The following KRT5 variants were observed in gnomAD, a reference collection of about 807,000 sequenced individuals.
The protein encoded by KRT5 is keratin 5, also known as keratin, type II cytoskeletal 5.
In KRT5, 17 loss-of-function variants were observed where a neutral mutation model predicts 44.0. The observed-to-expected ratio is 0.39, with a 90% CI of 0.26 to 0.58. The LOEUF is 0.58. KRT5 is among the 20% of genes least tolerant of loss of function. The pLI, the probability that KRT5 is intolerant of heterozygous loss-of-function variation, is 0.61. For synonymous variants in KRT5, 329 were observed against 312.8 expected (o/e 1.05, Z -0.55); for missense variants, 737 against 785.5 (o/e 0.94, Z 0.74).
At chr12:52,516,267 T>G in intron 7 of KRT5, 1 of 387,196 alleles carries the variant, frequency 2.6e-6, no homozygotes, top group Non-Finnish European at 4.8e-6. Flanking sequence ...TCAGCTGGAG[T>G]AAACATGAAA....
intron 4 of KRT5, 36 bp downstream of exon 4, chr12:52,517,861 A>C: frequency 6.2e-7 from 1 of 1,611,226 alleles, no homozygotes; most frequent in Non-Finnish European, 8.5e-7. Flanking sequence ...AGGAAAAAAA[A>C]CCCACCCATG....
chr12:52,519,200 T>C, intron 1 of KRT5, 40 bp from the exon 2 acceptor site: 1 of 1,612,878 alleles, frequency 6.2e-7, no homozygotes, highest in Non-Finnish European at 8.5e-7. Flanking sequence ...AAACTTGGAT[T>C]TCATGTTCTA....
intron 7 of KRT5, chr12:52,516,046 A>G: frequency 3.3e-6 from 2 of 605,298 alleles, no homozygotes; most frequent in East Asian, 2.7e-5. Context: ...GGAAAGAATT[A>G]TAATTCACAT....
At position 52,518,082 on chromosome 12, in the gene KRT5, TTC is replaced by T. The variant is rs1211601747; in HGVS notation, c.831+19_831+20del. The T allele has an allele frequency of 1.2e-6, 2 of 1,614,036 alleles. No homozygotes were observed. The highest frequency in any genetic ancestry group is 2.2e-5 in the South Asian group (2 of 91,074). ...AGAGAGCATAGCTGCAGGCTGCTGG[TTC>T]TCTCCCACCCACACGCACCTTCTTC... is the stretch of plus-strand genomic sequence containing the variant. On this transcript the variant is annotated intron_variant, in intron 3 of 8. Transcript: ENST00000252242.
At chr12:52,519,300 G>C (rs1237151890) in intron 1 of KRT5, 140 bp from the exon 2 acceptor site, 1 of 1,325,346 alleles carries the variant, frequency 7.5e-7, no homozygotes, top group Non-Finnish European at 1.1e-6. Flanking sequence ...CAGGAGGGGA[G>C]GTGCAGACTG....
In KRT5 at chr12:52,520,006, A is replaced by G; in HGVS notation, c.291T>C (p.Phe97=). The G allele has an allele frequency of 6.2e-7, 1 of 1,613,882 alleles. No homozygotes were observed. Among genetic ancestry groups the G allele is most frequent in the Non-Finnish European group, 8.5e-7 (1 of 1,179,964 alleles). Residue 97 remains phenylalanine (F), a synonymous_variant, in exon 1 of 9, where the codon TTT becomes TTC. Coordinates refer to ENST00000252242, the MANE Select transcript of KRT5 (RefSeq NM_000424.4). ...CAAATCCACTACCGGCACCACCTCC[A>G]AAGCCATAGCCGCCTCCAGCACCAG... ...FGAGAGGGYG[F]GGGAGSGFGF...
At chr12:52,519,303 G>T in intron 1 of KRT5, 143 bp from the exon 2 acceptor site, 1 of 1,246,428 alleles carries the variant, frequency 8.0e-7, no homozygotes, top group Non-Finnish European at 1.1e-6. Flanking sequence ...GAGGGGAGGT[G>T]CAGACTGAGG....
Position 52,515,353 on chromosome 12 carries a change from T to C in KRT5, c.1475-113A>G, listed in dbSNP as rs1419188398. 4 of 1,464,160 alleles carry C rather than the reference T, an allele frequency of 2.7e-6. No individual in the cohort carries two copies. The African/African-American group carries it at 5.6e-5, about 20-fold the overall frequency. 90.7% of individuals were successfully genotyped at this position (1,464,160 alleles called of 1,614,324 possible). On this transcript the variant is annotated intron_variant, in intron 8 of 8. Coordinates refer to ENST00000252242, the MANE Select transcript of KRT5 (RefSeq NM_000424.4). ...ACTCTACTGGACCCCCTTTACAGAG[T>C]AGCAAACAAGGCCCGGAAGAACTGT...
At chr12:52,519,718 T>G (rs1250155771) in intron 1 of KRT5, 24 bp downstream of exon 1, 11 of 1,609,604 alleles carry the variant, frequency 6.8e-6, no homozygotes, top group Middle Eastern at 1.7e-4. Context: ...CCACAGTGAT[T>G]TTTTACAAAA....
At position 52,514,841 on chromosome 12, in the gene KRT5, C is replaced by A; in HGVS notation, c.*101G>T. On this transcript the variant is annotated 3_prime_UTR_variant, in exon 9 of 9. Transcript: ENST00000252242. ...TGCAATTGGCTTGGTCTAGACTACT[C>A]TCCAGAAAAGGATAAAACATGGCTT... 1 of 1,071,104 alleles carries A rather than the reference C, an allele frequency of 9.3e-7. No homozygotes were observed. The highest frequency in any genetic ancestry group is 1.4e-6 in the Non-Finnish European group (1 of 704,628). 66.4% of individuals were successfully genotyped at this position (1,071,104 alleles called of 1,614,324 possible). A position where few individuals can be genotyped will look rare whatever the true frequency, so the allele number is the denominator to read the frequency against.
chr12:52,516,806 C>T lies in KRT5; in HGVS notation c.1270G>A (p.Ala424Thr), dbSNP rs748836260. The T allele has an allele frequency of 1.2e-6, 2 of 1,614,146 alleles. No homozygotes were observed. The highest frequency in any genetic ancestry group is 1.7e-5 in the Admixed American group (1 of 60,010). The change falls in exon 7 of 9, where the codon GCC becomes ACC. Residue 424 changes from alanine to threonine, a missense_variant. By Grantham distance (58) the Ala-to-Thr change is moderately conservative. Around this residue, in one of 5 missense-constraint regions of KRT5, gnomAD observed 344 missense variants for 351.6 expected, o/e 0.98. Coordinates refer to ENST00000252242, the MANE Select transcript of KRT5 (RefSeq NM_000424.4). The part of the protein sequence containing the change: ...IADAEQRGEL[A>T]LKDARNKLAE... ...AGCTTGTTCCTGGCATCCTTGAGGG[C>T]CAGCTCCCCACGCTGCTCGGCATCC... is the stretch of plus-strand genomic sequence containing the variant.
At position 52,515,840 on chromosome 12, in the gene KRT5, G is replaced by C. The variant is rs758181958; in HGVS notation, c.1440-8C>G. On this transcript the variant is annotated splice_region_variant and splice_polypyrimidine_tract_variant and intron_variant, in intron 7 of 8. Transcript: ENST00000252242. ...ACTCCTTCTCCACTGAGTCTGAAAG[G>C]GGAAAAATTGAATTAAGGGTTAACA... is the stretch of plus-strand genomic sequence containing the variant. 1 of 1,612,108 alleles carries C rather than the reference G, an allele frequency of 6.2e-7. No individual in the cohort carries two copies. The highest frequency in any genetic ancestry group is 2.2e-5 in the East Asian group (1 of 44,876).
chr12:52,515,821 T>G lies in KRT5; in HGVS notation c.1451A>C (p.Glu484Ala), dbSNP rs765274259. 8.7e-6 allele frequency: 14 copies of G among 1,613,240 alleles called. No individual in the cohort carries two copies. Among genetic ancestry groups the G allele is most frequent in the Admixed American group, 3.3e-5 (2 of 60,006 alleles). Reference protein sequence around the residue: ...LEGEECRLSGEGVGPVNISVV... With the variant: ...LEGEECRLSGAGVGPVNISVV... ...ACAGATGTTGACTGGTCCAACTCCT[T>G]CTCCACTGAGTCTGAAAGGGGAAAA... Residue 484 changes from glutamate (E) to alanine (A), a missense_variant, in exon 8 of 9, where the codon GAA becomes GCA. Glu to Ala is a moderately radical substitution (Grantham distance 107, BLOSUM62 -1). Around this residue, in one of 5 missense-constraint regions of KRT5, gnomAD observed 344 missense variants for 351.6 expected, o/e 0.98. Transcript: ENST00000252242.
intron 2 of KRT5, 72 bp downstream of exon 2, chr12:52,518,874 A>G (rs1592194773): frequency 6.4e-7 from 1 of 1,569,058 alleles, no homozygotes; most frequent in Non-Finnish European, 8.8e-7. Flanking sequence ...ATGGTAGTAG[A>G]CTAGTAACAA....
At position 52,520,335 on chromosome 12, in the gene KRT5, AGTGGGTTGG is replaced by A; in HGVS notation, c.-48_-40del. ...TGGTGGAGCAAGAGAACCAGGCACT[AGTGGGTTGG>A]GAGGTGCTGGAGAGAACAGAGCTCA... is the stretch of plus-strand genomic sequence containing the variant. On this transcript the variant is annotated 5_prime_UTR_variant, in exon 1 of 9. Transcript: ENST00000252242. The A allele has an allele frequency of 1.9e-6, 3 of 1,600,794 alleles. No homozygotes were observed. Among genetic ancestry groups the A allele is most frequent in the Non-Finnish European group, 2.6e-6 (3 of 1,170,802 alleles).
Position 52,519,769 on chromosome 12 carries a change from G to T in KRT5, c.528C>A (p.Asn176Lys). The change falls in exon 1 of 9, where the codon AAC (asparagine) becomes AAA (lysine). Residue 176 changes from asparagine (N) to lysine (K), a missense_variant. Around this residue, in one of 5 missense-constraint regions of KRT5, gnomAD observed 326 missense variants for 333.1 expected, o/e 0.98. Transcript: ENST00000252242. ...TEEREQIKTL[N>K]NKFASFIDKV... ...TGTCGATGAAGGAGGCAAACTTATT[G>T]TTGAGGGTCTTGATCTGCTCGCGCT... 6.2e-7 allele frequency: 1 copy of T among 1,614,010 alleles called. No homozygotes were observed. Among genetic ancestry groups the T allele is most frequent in the Non-Finnish European group, 8.5e-7 (1 of 1,180,006 alleles).
chr12:52,520,222 C>T lies in KRT5; in HGVS notation c.75G>A (p.Pro25=), dbSNP rs572849401. 37 of 1,614,086 alleles carry T rather than the reference C, an allele frequency of 2.3e-5. No homozygotes were observed. The highest frequency in any genetic ancestry group is 9.9e-5 in the South Asian group (9 of 91,084). ...RSFSTASAIT[P]SVSRTSFTSV... is the part of the protein sequence containing the mutation. ...AGGTGAAGCTGGTGCGGGAGACAGA[C>T]GGGGTGATGGCAGAGGCGGTGCTGA... The change falls in exon 1 of 9, where the codon CCG becomes CCA. Residue 25 remains proline (P), a synonymous_variant. Transcript: ENST00000252242.
Position 52,515,197 on chromosome 12 carries a change from A to G in KRT5, c.1518T>C (p.Ser506=). The change falls in exon 9 of 9, where the codon AGT becomes AGC. Residue 506 remains serine, a synonymous_variant. Transcript: ENST00000252242. The part of the protein sequence containing the change: ...SSVSSGYGSG[S]GYGGGLGGGL... Reference sequence around the variant, plus strand: ...CTCCACCGAGGCCACCGCCATAGCCACTGCCACTGCCATATCCAGAGGAAA... The same window carrying G: ...CTCCACCGAGGCCACCGCCATAGCCGCTGCCACTGCCATATCCAGAGGAAA... 1 of 1,610,918 alleles carries G rather than the reference A, an allele frequency of 6.2e-7. No homozygotes were observed. The highest frequency in any genetic ancestry group is 8.5e-7 in the Non-Finnish European group (1 of 1,179,852).
intron 1 of KRT5, chr12:52,519,466 G>C (rs1402313108): frequency 1.6e-6 from 1 of 624,558 alleles, no homozygotes; most frequent in East Asian, 2.8e-5. Flanking sequence ...TGTACAGTCA[G>C]CCCCTTTATA....
Sources: gnomAD v4.1 joint callset for allele counts on GRCh38, gnomAD v4.1.1 for gene constraint, gnomAD v4.1.1 regional missense constraint, MANE v1.5 for transcripts, NCBI Gene and HGNC (gene_info 2026-07-23, HGNC 2026-07-21) for gene names.